The following RNF166 variants were observed in gnomAD, a reference collection of about 807,000 sequenced individuals.
The protein encoded by RNF166 is E3 ubiquitin-protein ligase RNF166.
A neutral mutation model predicts 29.4 loss-of-function variants in RNF166; 19 were observed. The observed-to-expected ratio is 0.65, with a 90% CI of 0.45 to 0.95. RNF166 has a LOEUF of 0.95. Among genes scored for constraint, RNF166 ranks in the 40% least tolerant of loss-of-function variants. RNF166 has a pLI of 0.00. For synonymous variants in RNF166, 171 were observed against 134.5 expected (o/e 1.27, Z -1.88); for missense variants, 347 against 322.1 (o/e 1.08, Z -0.59).
intron 5 of RNF166, chr16:88,698,194 A>G: frequency 1.6e-6 from 1 of 611,596 alleles, no homozygotes; most frequent in Non-Finnish European, 2.9e-6. Context: ...GCTCTCTAGA[A>G]AGCTTCCAGA....
At chr16:88,702,316 CGAG>C (rs1407542615) in intron 1 of RNF166, among the ~76,000 whole-genome samples, 1 of 152,148 alleles carries the variant, frequency 6.6e-6, no homozygotes, top group African/African-American at 2.4e-5. Flanking sequence ...TGAGCTGCGG[CGAG>C]GAGCTGGAAC....
At chr16:88,697,793 C>A (rs374679074) in intron 5 of RNF166, 160 bp from the exon 6 acceptor site, 5 of 612,714 alleles carry the variant, frequency 8.2e-6, no homozygotes, top group Non-Finnish European at 1.2e-5. Flanking sequence ...GGGGCCTGCA[C>A]GGTCCTCTGG....
rs768662405 is a variant in RNF166 at position 88,697,644 on chromosome 16, G to C, written c.649-11C>G. On this transcript the variant is annotated splice_polypyrimidine_tract_variant and intron_variant, in intron 5 of 5. Coordinates refer to ENST00000312838, the MANE Select transcript of RNF166 (RefSeq NM_178841.4). ...GTCAATACTGTAGTCCTGGAGACAGGAAGGAGAGATGCACCGGGCTCGAGG... is the reference window on the plus strand; with the variant it reads ...GTCAATACTGTAGTCCTGGAGACAGCAAGGAGAGATGCACCGGGCTCGAGG... 6 of 1,547,536 alleles carry C rather than the reference G, an allele frequency of 3.9e-6. No homozygotes were observed. Among genetic ancestry groups the C allele is most frequent in the Non-Finnish European group, 4.4e-6 (5 of 1,144,058 alleles).
At chr16:88,704,537 G>A (rs1910573183) in intron 1 of RNF166, 12 of 985,440 alleles carry the variant, frequency 1.2e-5, no homozygotes, top group Non-Finnish European at 1.4e-5. Flanking sequence ...GTGCAGGTTA[G>A]GAAAGTGGAG....
chr16:88,698,625 G>A lies in RNF166; in HGVS notation c.541-16C>T, dbSNP rs1909877724. 2.7e-6 allele frequency: 4 copies of A among 1,496,312 alleles called. No homozygotes were observed. Among genetic ancestry groups the A allele is most frequent in the African/African-American group, 2.8e-5 (2 of 72,068 alleles). 92.7% of individuals were successfully genotyped at this position (1,496,312 alleles called of 1,614,324 possible). ...TGGGGCACACCTGGAACAGGCACTG[G>A]GGTCAAGCCGAGCCGGACCGCGGAG... On this transcript the variant is annotated splice_polypyrimidine_tract_variant and intron_variant, in intron 4 of 5. Coordinates refer to ENST00000312838, the MANE Select transcript of RNF166 (RefSeq NM_178841.4).
chr16:88,701,217 C>T (rs780247777), intron 2 of RNF166, 45 bp downstream of exon 2: 9 of 1,610,772 alleles, frequency 5.6e-6, no homozygotes, highest in Middle Eastern at 1.7e-4. Context: ...CTGAGGCTGC[C>T]CATCAAGTGA....
intron 4 of RNF166, 104 bp from the exon 5 acceptor site, chr16:88,698,713 C>T: frequency 1.1e-6 from 1 of 892,618 alleles, no homozygotes; most frequent in South Asian, 1.7e-5. Flanking sequence ...CTGCCTCAGC[C>T]TGGGAAGGCA....
At chr16:88,698,424 G>A in intron 5 of RNF166, 78 bp downstream of exon 5, 1 of 1,162,482 alleles carries the variant, frequency 8.6e-7, no homozygotes, top group Non-Finnish European at 1.3e-6. Flanking sequence ...TGCGGACCCT[G>A]AGGCTGGCGA....
chr16:88,703,228 G>A, intron 1 of RNF166: 1 of 974,552 alleles, frequency 1.0e-6, no homozygotes, highest in Non-Finnish European at 1.2e-6. Flanking sequence ...TCTGGAGTGG[G>A]AAGAATCTTC....
At chr16:88,704,930 C>T (rs1410680938) in intron 1 of RNF166, among the ~76,000 whole-genome samples, 4 of 152,158 alleles carry the variant, frequency 2.6e-5, no homozygotes, top group Admixed American at 6.5e-5. Flanking sequence ...ATGGAGGTTG[C>T]GGTGAGCCGA....
intron 1 of RNF166, among the ~76,000 whole-genome samples, chr16:88,705,039 T>C (rs1910637788): frequency 6.6e-6 from 1 of 152,058 alleles, no homozygotes. Flanking sequence ...ATGTCACGGC[T>C]AAGTGAGATG....
At chr16:88,699,198 G>T in intron 3 of RNF166, 113 bp from the exon 4 acceptor site, 3 of 788,432 alleles carry the variant, frequency 3.8e-6, no homozygotes, top group Non-Finnish European at 4.3e-6. Flanking sequence ...GGCTGCAAGA[G>T]CGTGGCAGTG....
At chr16:88,703,202 G>C in intron 1 of RNF166, 6 of 975,252 alleles carry the variant, frequency 6.2e-6, no homozygotes, top group Non-Finnish European at 7.3e-6. Context: ...GCGAGGGGGA[G>C]AGTCCTGGGT....
intron 1 of RNF166, among the ~76,000 whole-genome samples, chr16:88,702,145 C>T (rs1597409224): frequency 1.3e-5 from 2 of 152,132 alleles, no homozygotes; most frequent in East Asian, 3.9e-4. Flanking sequence ...CTTCCTTGGG[C>T]TCGCACACCC....
intron 5 of RNF166, 58 bp from the exon 6 acceptor site, chr16:88,697,691 C>T: frequency 1.6e-6 from 2 of 1,288,274 alleles, no homozygotes; most frequent in Non-Finnish European, 2.2e-6. Context: ...GAGAGGTCCC[C>T]TCTGCCCATC....
chr16:88,701,508 T>C, intron 1 of RNF166, 90 bp from the exon 2 acceptor site: 1 of 1,284,284 alleles, frequency 7.8e-7, no homozygotes, highest in Non-Finnish European at 1.0e-6. Context: ...GACCCAGCAT[T>C]TGTGGGGTCC....
rs578142547 is a variant in RNF166 at position 88,701,120 on chromosome 16, T to G, written c.312+142A>C. On this transcript the variant is annotated intron_variant, in intron 2 of 5. Transcript: ENST00000312838. ...CGGGAGGGGAGGGAGGCGCCGGGGC[T>G]GGCTTCCTGGTGCAGGAGCAGAGAC... 900 of 1,270,342 alleles carry G rather than the reference T, an allele frequency of 7.1e-4. 3 individuals carry two copies. The African/African-American group carries it at 0.012, about 17-fold the overall frequency. The allele number at this position is 1,270,342 out of a possible 1,614,324, so 78.7% of individuals were successfully genotyped here. A position where few individuals can be genotyped will look rare whatever the true frequency, so the allele number is the denominator to read the frequency against.
intron 4 of RNF166, 135 bp from the exon 5 acceptor site, chr16:88,698,744 G>T: frequency 1.4e-6 from 1 of 695,360 alleles, no homozygotes; most frequent in Non-Finnish European, 2.4e-6. Context: ...GGAGGCGCGT[G>T]TCCCGGTGAC....
intron 3 of RNF166, 128 bp from the exon 4 acceptor site, chr16:88,699,213 GGTGCCCCCC>G: frequency 1.4e-6 from 1 of 728,154 alleles, no homozygotes; most frequent in South Asian, 1.6e-5. Context: ...GCAGTGGCTG[GGTGCCCCCC>G]GTGCCTCTGC....
Sources: gnomAD v4.1 joint callset for allele counts (sites outside exome capture counted in the v4.1 genomes callset) on GRCh38, gnomAD v4.1.1 for gene constraint, MANE v1.5 for transcripts, NCBI Gene and HGNC (gene_info 2026-07-23, HGNC 2026-07-21) for gene names.